Variants in ATF6B observed in about 807,000 individuals in gnomAD.
ATF6B encodes the protein cyclic AMP-dependent transcription factor ATF-6 beta.
Under a neutral mutation model 83.5 loss-of-function variants are expected in ATF6B, and 50 were observed. That is an observed-to-expected ratio of 0.60 (90% confidence interval 0.48 to 0.76). The LOEUF is 0.76. Ranked by LOEUF, ATF6B falls within the 30% of genes least tolerant of loss-of-function variation. ATF6B has a pLI of 0.00. For missense variants in ATF6B, 790 were observed against 893.8 expected (o/e 0.88, Z 1.48); for synonymous variants, 344 against 362.8 (o/e 0.95, Z 0.59).
Position 32,118,772 on chromosome 6 carries a change from C to T in ATF6B, c.1244+3G>A. The T allele has an allele frequency of 6.2e-7, 1 of 1,614,068 alleles. No individual in the cohort carries two copies. The highest frequency in any genetic ancestry group is 2.2e-5 in the East Asian group (1 of 44,882). On this transcript the variant is annotated splice_donor_region_variant and intron_variant, in intron 11 of 17. Transcript: ENST00000375203. The surrounding 1 kb of genome is among the most constrained non-coding windows in gnomAD (Gnocchi z 5.2). ...GGTTCTAGTGAAGCAAGGAAGGTCTCACCTGACAGGTCCAAAGTTGAAGGC... is the reference window on the plus strand; with the variant it reads ...GGTTCTAGTGAAGCAAGGAAGGTCTTACCTGACAGGTCCAAAGTTGAAGGC...
At position 32,115,699 on chromosome 6, in the gene ATF6B, AC is replaced by A. The variant is rs747323116; in HGVS notation, c.*39del. 2 of 1,509,510 alleles carry A rather than the reference AC, an allele frequency of 1.3e-6. No homozygotes were observed. Among genetic ancestry groups the A allele is most frequent in the East Asian group, 2.3e-5 (1 of 43,756 alleles). The allele number at this position is 1,509,510 out of a possible 1,614,324, so 93.5% of individuals were successfully genotyped here. On this transcript the variant is annotated 3_prime_UTR_variant, in exon 18 of 18. Transcript: ENST00000375203. ...AAACAGTCCCACCTGGCCACCTGGT[AC>A]CCCCTCCCCCCGTTCTAAGTCAGTG...
chr6:32,116,055 G>T lies in ATF6B; in HGVS notation c.1883-87C>A. 9.9e-7 allele frequency: 1 copy of T among 1,006,344 alleles called. No homozygotes were observed. The allele number at this position is 1,006,344 out of a possible 1,614,324, so 62.3% of individuals were successfully genotyped here. On this transcript the variant is annotated intron_variant, in intron 17 of 17. Transcript: ENST00000375203. This position sits in a 1 kb window ranked among gnomAD's most constrained non-coding sequence, Gnocchi z 5.1. ...AGGGGAGGAGGTCAGAAAAGTAGAGGTGAGCAGAGAGAAAAAGAAAGGGCA... is the reference window on the plus strand; with the variant it reads ...AGGGGAGGAGGTCAGAAAAGTAGAGTTGAGCAGAGAGAAAAAGAAAGGGCA...
At position 32,118,985 on chromosome 6, in the gene ATF6B, G is replaced by A. The variant is rs200443235; in HGVS notation, c.1123C>T (p.Arg375Trp). ...GCCAGCAGGGCCTCCAGCCGCCGCCGGAGGGCAGCATTCTCTCGGCGGAGC... is the reference window on the plus strand; with the variant it reads ...GCCAGCAGGGCCTCCAGCCGCCGCCAGAGGGCAGCATTCTCTCGGCGGAGC... ...QQLRRENAAL[R>W]RRLEALLAEN... The change falls in exon 10 of 18, where the codon CGG becomes TGG. Residue 375 changes from arginine (R) to tryptophan (W), a missense_variant. Around this residue, in one of 3 missense-constraint regions of ATF6B, gnomAD observed 530 missense variants for 632.6 expected, o/e 0.84. Transcript: ENST00000375203. This position sits in a 1 kb window ranked among gnomAD's most constrained non-coding sequence, Gnocchi z 5.2. 6.2e-6 allele frequency: 10 copies of A among 1,614,128 alleles called. No homozygotes were observed. The highest frequency in any genetic ancestry group is 1.7e-4 in the Middle Eastern group (1 of 6,058).
Position 32,116,380 on chromosome 6 carries a change from C to A in ATF6B, c.1882+100G>T, listed in dbSNP as rs1257882510. ...TGCTGCTTCTCACCTGTGGGTCCAG[C>A]AGCTCTCTGGATGCCCTGCTCCTCT... On this transcript the variant is annotated intron_variant, in intron 17 of 17. Coordinates refer to ENST00000375203, the MANE Select transcript of ATF6B (RefSeq NM_004381.5). This position sits in a 1 kb window ranked among gnomAD's most constrained non-coding sequence, Gnocchi z 5.1. 1 of 1,153,532 alleles carries A rather than the reference C, an allele frequency of 8.7e-7. No individual in the cohort carries two copies. Among genetic ancestry groups the A allele is most frequent in the Non-Finnish European group, 1.2e-6 (1 of 813,478 alleles). The allele number at this position is 1,153,532 out of a possible 1,614,324, so 71.5% of individuals were successfully genotyped here.
intron 8 of ATF6B, 37 bp downstream of exon 8, chr6:32,120,734 A>G: frequency 6.2e-7 from 1 of 1,601,298 alleles, no homozygotes; most frequent in Non-Finnish European, 8.5e-7. Context: ...TACCGGCGTG[A>G]GCCACCATGC....
Position 32,127,139 on chromosome 6 carries a change from G to T in ATF6B, c.306C>A (p.Ser102=), listed in dbSNP as rs776136753. The change falls in exon 4 of 18, where the codon TCC becomes TCA. Residue 102 remains serine (S), a synonymous_variant. Transcript: ENST00000375203. The part of the protein sequence containing the change: ...SSPCSSSSLS[S]ESSRLSTEPS... ...GCTCTGTGGAGAGACGCGATGACTC[G>T]GAGCTGAGGGAGGAGGAAGAGCAGG... 1 of 1,611,124 alleles carries T rather than the reference G, an allele frequency of 6.2e-7. No homozygotes were observed. The highest frequency in any genetic ancestry group is 8.5e-7 in the Non-Finnish European group (1 of 1,179,044).
Position 32,119,159 on chromosome 6 carries a change from CA to C in ATF6B, c.967-19del. 6.3e-7 allele frequency: 1 copy of C among 1,594,136 alleles called. No homozygotes were observed. ...AGCTTTGCCTAGGCACCCGGAAGGTCAAAAAAGAATGACAGATGAGTTGGCA... is the reference window on the plus strand; with the variant it reads ...AGCTTTGCCTAGGCACCCGGAAGGTCAAAAAGAATGACAGATGAGTTGGCA... On this transcript the variant is annotated intron_variant, in intron 9 of 17. Coordinates refer to ENST00000375203, the MANE Select transcript of ATF6B (RefSeq NM_004381.5). This position sits in a 1 kb window ranked among gnomAD's most constrained non-coding sequence, Gnocchi z 4.9.
chr6:32,115,958 T>G lies in ATF6B; in HGVS notation c.1893A>C (p.Ser631=). 6.2e-7 allele frequency: 1 copy of G among 1,613,232 alleles called. No homozygotes were observed. Among genetic ancestry groups the G allele is most frequent in the Non-Finnish European group, 8.5e-7 (1 of 1,179,474 alleles). The change falls in exon 18 of 18, where the codon TCA becomes TCC. Residue 631 remains serine (S), a synonymous_variant. Coordinates refer to ENST00000375203, the MANE Select transcript of ATF6B (RefSeq NM_004381.5). ...CATAGTCCCCCGGGGCCCCACGGCC[T>G]GACAGGGTCTCTGTGAGAAGGGGAG... is the stretch of plus-strand genomic sequence containing the variant. ...MPAMAPNETL[S]GRGAPGDYEE...
At chr6:32,127,630 T>C (rs1365852533) in intron 2 of ATF6B, 41 bp downstream of exon 2, 5 of 1,613,518 alleles carry the variant, frequency 3.1e-6, no homozygotes, top group Non-Finnish European at 4.2e-6. Context: ...GGGCTCACTT[T>C]CCACCCACCA....
rs373036552 is a variant in ATF6B, at chr6:32,116,524, G to A, written c.1838C>T (p.Ser613Phe). The A allele has an allele frequency of 6.2e-7, 1 of 1,605,654 alleles. No homozygotes were observed. The highest frequency in any genetic ancestry group is 8.5e-7 in the Non-Finnish European group (1 of 1,175,536). The change falls in exon 17 of 18, where the codon TCC becomes TTC. Residue 613 changes from serine to phenylalanine, a missense_variant. By Grantham distance (155) the Ser-to-Phe change is radical (BLOSUM62 -2). Coordinates refer to ENST00000375203, the MANE Select transcript of ATF6B (RefSeq NM_004381.5). The surrounding 1 kb of genome is among the most constrained non-coding windows in gnomAD (Gnocchi z 5.1). ...LLPAISHNKTSRPKMSLVMPA... is the reference protein window; with the variant it reads ...LLPAISHNKTFRPKMSLVMPA... ...CATCACCAGGGACATCTTGGGCCGG[G>A]AGGTCTTGTTGTGGCTGATGGCTGG... is the stretch of plus-strand genomic sequence containing the variant.
intron 5 of ATF6B, among the ~76,000 whole-genome samples, chr6:32,123,993 C>A (rs1383996813): frequency 6.6e-6 from 1 of 152,106 alleles, no homozygotes; most frequent in African/African-American, 2.4e-5. Flanking sequence ...CACCTGAGGT[C>A]GGGAATTCAA....
chr6:32,121,174 A>G, intron 6 of ATF6B, 50 bp from the exon 7 acceptor site: 1 of 1,609,654 alleles, frequency 6.2e-7, no homozygotes. Flanking sequence ...TGTCGAGGAG[A>G]AGGAGCTGAA....
chr6:32,118,155 G>A lies in ATF6B; in HGVS notation c.1245-117C>T. ...GTTGCAATCTGTTATACAAGCCTGAGTCTGCCTCTGTAAGATGGGAATAAG... is the reference window on the plus strand; with the variant it reads ...GTTGCAATCTGTTATACAAGCCTGAATCTGCCTCTGTAAGATGGGAATAAG... On this transcript the variant is annotated intron_variant, in intron 11 of 17. Coordinates refer to ENST00000375203, the MANE Select transcript of ATF6B (RefSeq NM_004381.5). The surrounding 1 kb of genome is among the most constrained non-coding windows in gnomAD (Gnocchi z 5.2). The A allele has an allele frequency of 1.6e-6, 2 of 1,268,192 alleles. No individual in the cohort carries two copies. Among genetic ancestry groups the A allele is most frequent in the Non-Finnish European group, 2.2e-6 (2 of 895,744 alleles). 78.6% of individuals were successfully genotyped at this position (1,268,192 alleles called of 1,614,324 possible). A position where few individuals can be genotyped will look rare whatever the true frequency, so the allele number is the denominator to read the frequency against.
chr6:32,126,702 T>TA (rs1167021452), intron 4 of ATF6B, among the ~76,000 whole-genome samples: 2 of 151,362 alleles, frequency 1.3e-5, no homozygotes, highest in Admixed American at 6.6e-5. Context: ...TTACAAACAA[T>TA]AAAAAAAATT....
At chr6:32,120,015 C>T (rs1375990248) in intron 8 of ATF6B, 58 bp from the exon 9 acceptor site, 1 of 1,559,808 alleles carries the variant, frequency 6.4e-7, no homozygotes, top group Non-Finnish European at 8.7e-7. Flanking sequence ...CTTGTGTCCA[C>T]ACCCACACAA....
At position 32,116,577 on chromosome 6, in the gene ATF6B, T is replaced by A. The variant is rs1781537446; in HGVS notation, c.1798-13A>T. On this transcript the variant is annotated splice_polypyrimidine_tract_variant and intron_variant, in intron 16 of 17. Transcript: ENST00000375203. The surrounding 1 kb of genome is among the most constrained non-coding windows in gnomAD (Gnocchi z 5.1). ...GCAGCAGGTGGTCCTGGGGAACAGA[T>A]GGGCCAGGCCAGAAGGGTGGAGGCA... 6.3e-7 allele frequency: 1 copy of A among 1,597,132 alleles called. No individual in the cohort carries two copies. The highest frequency in any genetic ancestry group is 1.1e-5 in the South Asian group (1 of 88,254).
Position 32,118,945 on chromosome 6 carries a change from A to G in ATF6B, c.1152+11T>C. On this transcript the variant is annotated intron_variant, in intron 10 of 17. Coordinates refer to ENST00000375203, the MANE Select transcript of ATF6B (RefSeq NM_004381.5). The surrounding 1 kb of genome is among the most constrained non-coding windows in gnomAD (Gnocchi z 5.2). ...ATTCCTGTTGGTCTCCCAGGGACAG[A>G]CTGGTCTTACTTCAGCCAGCAGGGC... The G allele has an allele frequency of 1.9e-6, 3 of 1,613,808 alleles. No homozygotes were observed. Among genetic ancestry groups the G allele is most frequent in the Non-Finnish European group, 1.7e-6 (2 of 1,179,714 alleles).
rs569996719 is a variant in ATF6B at position 32,117,241 on chromosome 6, G to A, written c.1614+82C>T. Reference sequence around the variant, plus strand: ...AAACGATCCCTCAAACTTCCACAGCGAGATGCCCACTAGAAATCCCCAGAC... The same window carrying A: ...AAACGATCCCTCAAACTTCCACAGCAAGATGCCCACTAGAAATCCCCAGAC... On this transcript the variant is annotated intron_variant, in intron 14 of 17. Transcript: ENST00000375203. The surrounding 1 kb of genome is among the most constrained non-coding windows in gnomAD (Gnocchi z 5.0). The A allele has an allele frequency of 3.7e-4, 572 of 1,554,372 alleles. 1 individual carries two copies. The highest frequency in any genetic ancestry group is 4.3e-4 in the South Asian group (37 of 86,420).
At position 32,115,947 on chromosome 6, in the gene ATF6B, G is replaced by A. The variant is rs779786476; in HGVS notation, c.1904C>T (p.Ala635Val). ...APNETLSGRGAPGDYEEMMQI... is the reference protein window; with the variant it reads ...APNETLSGRGVPGDYEEMMQI... ...CATCATCTCCTCATAGTCCCCCGGG[G>A]CCCCACGGCCTGACAGGGTCTCTGT... Residue 635 changes from alanine to valine, a missense_variant, in exon 18 of 18, where the codon GCC (alanine) becomes GTC (valine). Transcript: ENST00000375203. The A allele has an allele frequency of 6.2e-7, 1 of 1,613,842 alleles. No homozygotes were observed.
Sources: allele counts gnomAD v4.1 joint callset (sites outside exome capture counted in the v4.1 genomes callset), GRCh38; gene constraint gnomAD v4.1.1; regional missense constraint gnomAD v4.1.1; non-coding constraint Gnocchi (gnomAD v3.1); transcripts MANE v1.5; gene names NCBI Gene and HGNC (gene_info 2026-07-23, HGNC 2026-07-21).